Variants in RPS20 observed in about 807,000 individuals in gnomAD.
RPS20 encodes the protein ribosomal protein S20.
RPS20 carries 3 observed loss-of-function variants against 15.3 expected under a neutral mutation model. The ratio of observed to expected loss-of-function variants is 0.20; its 90% confidence interval spans 0.09 to 0.51. The LOEUF is 0.51. Among genes scored for constraint, RPS20 ranks in the 20% least tolerant of loss-of-function variants. The pLI is 0.96. For synonymous variants in RPS20, 62 were observed against 47.8 expected, an observed-to-expected ratio of 1.30 and a Z score of -1.23; for missense variants, 67 against 145.9, an observed-to-expected ratio of 0.46 and a Z score of 2.79.
At position 56,074,492 on chromosome 8, in the gene RPS20, G is replaced by T; in HGVS notation, c.-109C>A. On this transcript the variant is annotated 5_prime_UTR_variant, in exon 1 of 4. Transcript: ENST00000009589. ...AAAAATCCTCAGCCCTTACGACCGC[G>T]TCTTCCTCAAAAAGAAAGGGGTGGG... The T allele has an allele frequency of 1.6e-6, 2 of 1,244,026 alleles. No homozygotes were observed. The highest frequency in any genetic ancestry group is 1.4e-5 in the South Asian group (1 of 74,044). The allele number at this position is 1,244,026 out of a possible 1,614,324, so 77.1% of individuals were successfully genotyped here.
At chr8:56,069,863 T>C (rs1809705103), downstream of RPS20, 2 of 1,081,636 alleles carry the variant, frequency 1.8e-6, no homozygotes, top group Non-Finnish European at 2.8e-6. Flanking sequence ...AGAAAAAAAA[T>C]TGTCTCTACT....
chr8:56,073,999 G>T (rs887652331), intron 2 of RPS20, 61 bp downstream of exon 2: 99 of 1,318,330 alleles, frequency 7.5e-5, no homozygotes, highest in Non-Finnish European at 1.6e-5. Flanking sequence ...TAACATTAAC[G>T]AGTAAAGCTC....
In RPS20 at chr8:56,074,484, A is replaced by T. The variant is rs1809878634; in HGVS notation, c.-101T>A. 4.6e-6 allele frequency: 6 copies of T among 1,311,424 alleles called. No individual in the cohort carries two copies. Among genetic ancestry groups the T allele is most frequent in the African/African-American group, 1.5e-5 (1 of 67,550 alleles). The allele number at this position is 1,311,424 out of a possible 1,614,324, so 81.2% of individuals were successfully genotyped here. A position where few individuals can be genotyped will look rare whatever the true frequency, so the allele number is the denominator to read the frequency against. On this transcript the variant is annotated 5_prime_UTR_variant, in exon 1 of 4. Coordinates refer to ENST00000009589, the MANE Select transcript of RPS20 (RefSeq NM_001023.4). ...TGCGGACCAAAAATCCTCAGCCCTT[A>T]CGACCGCGTCTTCCTCAAAAAGAAA...
intron 3 of RPS20, chr8:56,073,491 A>G (rs1809828581): frequency 1.6e-6 from 1 of 638,296 alleles, no homozygotes; most frequent in South Asian, 1.9e-5. Flanking sequence ...GCACCAAAGC[A>G]CACCAAGAAC....
Position 56,073,867 on chromosome 8 carries a change from C to T in RPS20, c.104-99G>A, listed in dbSNP as rs572319871. 6.0e-5 allele frequency: 71 copies of T among 1,190,158 alleles called. No homozygotes were observed. In the East Asian group the frequency reaches 1.5e-3, roughly 25 times the overall value. 73.7% of individuals were successfully genotyped at this position (1,190,158 alleles called of 1,614,324 possible). A position where few individuals can be genotyped will look rare whatever the true frequency, so the allele number is the denominator to read the frequency against. On this transcript the variant is annotated intron_variant, in intron 2 of 3. Transcript: ENST00000009589. The stretch of plus-strand genomic sequence containing the variant: ...TCAGAATAGCGTATAAAATTATCAC[C>T]GTTACTCAACACAATAGGTACCTCC...
At chr8:56,074,296 GC>G (rs1809869819) in intron 1 of RPS20, 84 bp downstream of exon 1, 29 of 1,540,064 alleles carry the variant, frequency 1.9e-5, no homozygotes, top group Non-Finnish European at 2.4e-5. Flanking sequence ...CCCGGCATCT[GC>G]CCTCAGGAGC....
chr8:56,073,355 A>G (rs1440128786), intron 3 of RPS20, 83 bp from the exon 4 acceptor site: 1 of 898,674 alleles, frequency 1.1e-6, no homozygotes, highest in African/African-American at 1.7e-5. Flanking sequence ...ACTTCTAATC[A>G]TTTCATTAGT....
At chr8:56,070,795 C>G (rs1039742484), downstream of RPS20, among the ~76,000 whole-genome samples, 1 of 151,962 alleles carries the variant, frequency 6.6e-6, no homozygotes. Flanking sequence ...GTTTCTGTTC[C>G]CTTGGTTATT....
chr8:56,069,671 C>T (rs990873132), downstream of RPS20: 13 of 1,337,324 alleles, frequency 9.7e-6, no homozygotes, highest in Admixed American at 5.9e-5. Flanking sequence ...AAAAAGAATA[C>T]ACTTCAGCTT....
rs1809861335 is a variant in RPS20 at position 56,074,165 on chromosome 8, A to G, written c.4-6T>C. ...TTTCCGGTATCCTTAAAAGCCTATT[A>G]TTAGATACATGAAAAAGAACAATAA... On this transcript the variant is annotated splice_polypyrimidine_tract_variant and splice_region_variant and intron_variant, in intron 1 of 3. Coordinates refer to ENST00000009589, the MANE Select transcript of RPS20 (RefSeq NM_001023.4). The G allele has an allele frequency of 6.2e-7, 1 of 1,607,058 alleles. No homozygotes were observed. Among genetic ancestry groups the G allele is most frequent in the Non-Finnish European group, 8.5e-7 (1 of 1,177,088 alleles).
downstream of RPS20, among the ~76,000 whole-genome samples, chr8:56,071,295 T>C (rs77326358): frequency 0.032 from 4,921 of 152,348 alleles, 272 homozygotes; most frequent in African/African-American, 0.11. Context: ...TCAAGACATG[T>C]GTGCTCTAAA....
chr8:56,069,458 C>G (rs1234736360), downstream of RPS20, among the ~76,000 whole-genome samples: 3 of 152,076 alleles, frequency 2.0e-5, no homozygotes, highest in African/African-American at 7.2e-5. Flanking sequence ...GCCACCACAC[C>G]TGGCTAATTT....
Position 56,074,365 on chromosome 8 carries a change from C to T in RPS20, c.3+16G>A. The T allele has an allele frequency of 1.3e-6, 2 of 1,555,438 alleles. No individual in the cohort carries two copies. Among genetic ancestry groups the T allele is most frequent in the South Asian group, 2.3e-5 (2 of 86,804 alleles). Reference sequence around the variant, plus strand: ...GAGCCCTGCGTTGCGCCGCCCGCCGCCGACTGCCGCCTCACCATGGCTGTT... The same window carrying T: ...GAGCCCTGCGTTGCGCCGCCCGCCGTCGACTGCCGCCTCACCATGGCTGTT... On this transcript the variant is annotated intron_variant, in intron 1 of 3. Transcript: ENST00000009589.
At chr8:56,070,214 G>T (rs952969155), downstream of RPS20, among the ~76,000 whole-genome samples, 1 of 152,100 alleles carries the variant, frequency 6.6e-6, no homozygotes, top group Admixed American at 6.6e-5. Flanking sequence ...ATGTCTCCCA[G>T]AGACAGTGAA....
downstream of RPS20, among the ~76,000 whole-genome samples, chr8:56,068,807 C>CTTTT (rs61576194): frequency 0.011 from 296 of 27,690 alleles, 119 homozygotes; most frequent in East Asian, 0.022. Context: ...GTGAAAATAT[C>CTTTT]TTTTTTTTTT....
chr8:56,071,593 A>G (rs1343183888), downstream of RPS20, among the ~76,000 whole-genome samples: 2 of 152,206 alleles, frequency 1.3e-5, no homozygotes, highest in African/African-American at 4.8e-5. Context: ...GAACTGTGAG[A>G]CTTCAGTAGA....
chr8:56,069,782 T>C, downstream of RPS20: 1 of 1,551,328 alleles, frequency 6.4e-7, no homozygotes. Context: ...CTTCTCAAAG[T>C]GTACTGCTGG....
At chr8:56,074,217 G>A (rs576276245) in intron 1 of RPS20, 58 bp from the exon 2 acceptor site, 64 of 1,545,328 alleles carry the variant, frequency 4.1e-5, no homozygotes, top group Non-Finnish European at 5.3e-5. Flanking sequence ...CACTTCTGGA[G>A]AAAGGCAGCT....
downstream of RPS20, among the ~76,000 whole-genome samples, chr8:56,070,678 ATG>A (rs1230401213): frequency 1.3e-5 from 2 of 150,974 alleles, no homozygotes; most frequent in Non-Finnish European, 2.9e-5. Context: ...GCAGCGAGCC[ATG>A]TTCGCACGAC....
Sources: gnomAD v4.1 joint callset for allele counts (sites outside exome capture counted in the v4.1 genomes callset) on GRCh38, gnomAD v4.1.1 for gene constraint, MANE v1.5 for transcripts, NCBI Gene and HGNC (gene_info 2026-07-23, HGNC 2026-07-21) for gene names.